Variants in TF observed in about 807,000 individuals in gnomAD.
TF encodes transferrin.
In TF, 55 loss-of-function variants were observed where a neutral mutation model predicts 82.4. That is an observed-to-expected ratio of 0.67 (90% CI 0.54 to 0.84). The LOEUF (loss-of-function observed/expected upper bound fraction) is 0.84. TF is among the 40% of genes least tolerant of loss of function. TF has a pLI of 0.00. For synonymous variants in TF, 332 were observed against 332.6 expected, an observed-to-expected ratio of 1.00 and a Z score of 0.02; for missense variants, 737 against 868.4, an observed-to-expected ratio of 0.85 and a Z score of 1.90.
chr3:133,678,581 TG>T, the TF span, among the ~76,000 whole-genome samples: 3 of 152,240 alleles, frequency 2.0e-5, no homozygotes, highest in Non-Finnish European at 4.4e-5. Context: ...TATCTCGTTG[TG>T]GTTTTGATTT....
chr3:133,683,717 C>T, the TF span, among the ~76,000 whole-genome samples: 1 of 152,162 alleles, frequency 6.6e-6, no homozygotes, highest in Admixed American at 6.5e-5. Flanking sequence ...CCTTAGAGAC[C>T]TACAAAGAGA....
the TF span, chr3:133,704,316 T>C: frequency 3.1e-5 from 7 of 226,312 alleles, no homozygotes; most frequent in Non-Finnish European, 5.9e-5. Flanking sequence ...AGAACTACAG[T>C]AAGTGGAGGG....
the TF span, among the ~76,000 whole-genome samples, chr3:133,720,234 T>G: frequency 6.6e-6 from 1 of 152,164 alleles, no homozygotes; most frequent in African/African-American, 2.4e-5. Context: ...TAGCTATGGG[T>G]CTGTAATAGG....
At chr3:133,681,709 G>C in the TF span, among the ~76,000 whole-genome samples, 1 of 152,202 alleles carries the variant, frequency 6.6e-6, no homozygotes, top group Non-Finnish European at 1.5e-5. Context: ...CCAGAAGCTC[G>C]AACTGGGTGA....
chr3:133,667,388 A>C, the TF span, among the ~76,000 whole-genome samples: 1 of 150,558 alleles, frequency 6.6e-6, no homozygotes, highest in Non-Finnish European at 1.5e-5. Context: ...AGTATGTGAG[A>C]TTTTGCAAGG....
At chr3:133,667,043 G>GAAA in the TF span, among the ~76,000 whole-genome samples, 24 of 136,250 alleles carry the variant, frequency 1.8e-4, no homozygotes, top group Non-Finnish European at 2.9e-4. Flanking sequence ...CTCAGAAAAA[G>GAAA]AAAAAAAAAA....
At chr3:133,741,920 G>T (rs953768689), upstream of TF, among the ~76,000 whole-genome samples, 9 of 152,174 alleles carry the variant, frequency 5.9e-5, no homozygotes, top group Admixed American at 1.3e-4. Context: ...TATACATACT[G>T]TCCTCAAAAC....
Position 133,768,124 on chromosome 3 carries a change from A to T in TF, c.1582A>T (p.Asn528Tyr). 1 of 1,614,190 alleles carries T rather than the reference A, an allele frequency of 6.2e-7. No individual in the cohort carries two copies. Among genetic ancestry groups the T allele is most frequent in the Non-Finnish European group, 8.5e-7 (1 of 1,180,012 alleles). ...CTCAGGCCTAAACCTGTGTGAACCCAACAACAAAGAGGGATACTACGGCTA... is the reference window on the plus strand; with the variant it reads ...CTCAGGCCTAAACCTGTGTGAACCCTACAACAAAGAGGGATACTACGGCTA... ...MGSGLNLCEP[N>Y]NKEGYYGYTG... Residue 528 changes from asparagine to tyrosine, a missense_variant, in exon 13 of 17, where the codon AAC becomes TAC. Physicochemically the swap from Asn to Tyr is moderately radical, Grantham distance 143. Transcript: ENST00000402696.
intron 1 of TF, chr3:133,748,113 G>A (rs563753522): frequency 1.3e-5 from 6 of 457,718 alleles, no homozygotes; most frequent in South Asian, 1.3e-4. Flanking sequence ...ACAGTGATGG[G>A]AGGAGACAAG....
In TF at chr3:133,777,315, G is replaced by T. The variant is rs376023830; in HGVS notation, c.2062+77G>T. The T allele has an allele frequency of 3.4e-6, 5 of 1,458,234 alleles. No homozygotes were observed. The South Asian group carries it at 4.6e-5, about 13-fold the overall frequency. 90.3% of individuals were successfully genotyped at this position (1,458,234 alleles called of 1,614,324 possible). ...GCTGGGATGGTGGGTGGGTACAGGAGGGGTAGGCTGTGGCCCTTGGGATAG... is the reference window on the plus strand; with the variant it reads ...GCTGGGATGGTGGGTGGGTACAGGATGGGTAGGCTGTGGCCCTTGGGATAG... On this transcript the variant is annotated intron_variant, in intron 16 of 16. Coordinates refer to ENST00000402696, the MANE Select transcript of TF (RefSeq NM_001063.4).
At chr3:133,775,041 AGATGCCAT>A (rs753272792) in intron 14 of TF, 25 of 330,100 alleles carry the variant, frequency 7.6e-5, no homozygotes, top group Admixed American at 1.3e-4. Flanking sequence ...TTTTGTTTGG[AGATGCCAT>A]GTGTTACAGC....
At chr3:133,684,266 G>T in the TF span, among the ~76,000 whole-genome samples, 1 of 152,172 alleles carries the variant, frequency 6.6e-6, no homozygotes, top group Non-Finnish European at 1.5e-5. Context: ...CTCTAAAATT[G>T]ACACCCTAAC....
chr3:133,723,811 C>T, the TF span, among the ~76,000 whole-genome samples: 25 of 152,052 alleles, frequency 1.6e-4, no homozygotes, highest in South Asian at 5.2e-3. Flanking sequence ...TCCCCCTTCC[C>T]CACCCCACCA....
the TF span, chr3:133,693,038 G>A: frequency 0.14 from 21,417 of 152,368 alleles, 1,946 homozygotes; most frequent in East Asian, 0.48. Context: ...ATGTGTCCAC[G>A]GCCTCCAAGA....
At chr3:133,662,576 C>T in the TF span, among the ~76,000 whole-genome samples, 2 of 152,246 alleles carry the variant, frequency 1.3e-5, no homozygotes, top group South Asian at 2.1e-4. Context: ...TGGACATCGC[C>T]GTTCTCTTTC....
chr3:133,662,856 A>C, the TF span, among the ~76,000 whole-genome samples: 1 of 152,238 alleles, frequency 6.6e-6, no homozygotes, highest in Non-Finnish European at 1.5e-5. Flanking sequence ...TAAAAGTATA[A>C]TGCCATGTCC....
rs1281305246 is a variant in TF, at chr3:133,790,983, T to C, written c.*12363T>C. ...TTGGGTTCCTATTTGTTTTTGCTTC[T>C]AATTTTCATTTGTTTGCCATTTATT... On this transcript the variant is annotated 3_prime_UTR_variant, in exon 17 of 17. Transcript: ENST00000402696. 1 of 152,238 alleles carries C rather than the reference T, an allele frequency of 6.6e-6. No individual in the cohort carries two copies. Among genetic ancestry groups the C allele is most frequent in the African/African-American group, 2.4e-5 (1 of 41,456 alleles). The allele number at this position is 152,238 out of a possible 1,614,324, so 9.4% of individuals were successfully genotyped here. A position where few individuals can be genotyped will look rare whatever the true frequency, so the allele number is the denominator to read the frequency against.
chr3:133,792,598 G>C lies in TF; in HGVS notation c.*13978G>C, dbSNP rs1020753969. 1 of 152,072 alleles carries C rather than the reference G, an allele frequency of 6.6e-6. No individual in the cohort carries two copies. The highest frequency in any genetic ancestry group is 2.4e-5 in the African/African-American group (1 of 41,410). 9.4% of individuals were successfully genotyped at this position (152,072 alleles called of 1,614,324 possible). A position where few individuals can be genotyped will look rare whatever the true frequency, so the allele number is the denominator to read the frequency against. ...AAAGTTTTCACCAAAAGTAAAACTC[G>C]CTAAGAGTTAACATTGTAACATGTA... On this transcript the variant is annotated 3_prime_UTR_variant, in exon 17 of 17. Transcript: ENST00000402696.
the TF span, among the ~76,000 whole-genome samples, chr3:133,708,411 G>A: frequency 3.3e-5 from 5 of 152,288 alleles, no homozygotes; most frequent in Middle Eastern, 6.8e-3. Context: ...GTGCATGTAT[G>A]TAGACATAGC....
Sources: gnomAD v4.1 joint callset for allele counts (sites outside exome capture counted in the v4.1 genomes callset) on GRCh38, gnomAD v4.1.1 for gene constraint, MANE v1.5 for transcripts, NCBI Gene and HGNC (gene_info 2026-07-23, HGNC 2026-07-21) for gene names.